Variants in ACOX2 observed in about 807,000 individuals in gnomAD.
The protein encoded by ACOX2 is peroxisomal acyl-coenzyme A oxidase 2.
Under a neutral mutation model 77.5 loss-of-function variants are expected in ACOX2, and 59 were observed. The ratio of observed to expected loss-of-function variants is 0.76; its 90% confidence interval spans 0.62 to 0.95. ACOX2 has a LOEUF of 0.95. Ranked by LOEUF, ACOX2 falls within the 40% of genes least tolerant of loss-of-function variation. The pLI, the probability that ACOX2 is intolerant of heterozygous loss-of-function variation, is 0.00. For missense variants in ACOX2, 837 were observed against 880.4 expected, an observed-to-expected ratio of 0.95 and a Z score of 0.62; for synonymous variants, 317 against 340.1, an observed-to-expected ratio of 0.93 and a Z score of 0.75.
At position 58,531,304 on chromosome 3, in the gene ACOX2, G is replaced by T; in HGVS notation, c.766C>A (p.Gln256Lys). 1 of 1,613,778 alleles carries T rather than the reference G, an allele frequency of 6.2e-7. No homozygotes were observed. The highest frequency in any genetic ancestry group is 8.5e-7 in the Non-Finnish European group (1 of 1,180,026). ...CTGGGGACCCGCACATGGTTCAGCT[G>T]CAGGAAGCCATTGTCTGTTTGATCA... ...DFDQTDNGFL[Q>K]LNHVRVPREN... The change falls in exon 7 of 15, where the codon CAG becomes AAG. Residue 256 changes from glutamine to lysine, a missense_variant. Physicochemically the swap from Gln to Lys is moderately conservative, Grantham distance 53 (BLOSUM62 1). Coordinates refer to ENST00000302819, the MANE Select transcript of ACOX2 (RefSeq NM_003500.4). The surrounding 1 kb of genome is among the most constrained non-coding windows in gnomAD (Gnocchi z 5.8).
At chr3:58,510,326 T>C (rs1290043310) in intron 13 of ACOX2, among the ~76,000 whole-genome samples, 1 of 151,896 alleles carries the variant, frequency 6.6e-6, no homozygotes, top group Non-Finnish European at 1.5e-5. Flanking sequence ...CATGTTCTAT[T>C]ACTCTCTCAA....
intron 12 of ACOX2, among the ~76,000 whole-genome samples, chr3:58,518,075 C>CAAAAAAAA (rs763535906): frequency 2.9e-4 from 14 of 47,676 alleles, no homozygotes; most frequent in East Asian, 6.1e-4. Context: ...AACTCCATCT[C>CAAAAAAAA]AAAAAAAAAA....
At chr3:58,506,858 G>A (rs2063238125) in intron 14 of ACOX2, among the ~76,000 whole-genome samples, 1 of 152,114 alleles carries the variant, frequency 6.6e-6, no homozygotes. Flanking sequence ...GTGCAAATGA[G>A]GAAAATGTCT....
At position 58,526,815 on chromosome 3, in the gene ACOX2, T is replaced by C; in HGVS notation, c.1156-159A>G. 1.3e-6 allele frequency: 1 copy of C among 767,808 alleles called. No homozygotes were observed. The highest frequency in any genetic ancestry group is 2.0e-6 in the Non-Finnish European group (1 of 490,142). 47.6% of individuals were successfully genotyped at this position (767,808 alleles called of 1,614,324 possible). A position where few individuals can be genotyped will look rare whatever the true frequency, so the allele number is the denominator to read the frequency against. ...ACTTTATGAATGAGAAGGCGGGTAC[T>C]CAGCTTATGTGACTCACCCAGAGGC... is the stretch of plus-strand genomic sequence containing the variant. On this transcript the variant is annotated intron_variant, in intron 9 of 14. Transcript: ENST00000302819. This position sits in a 1 kb window ranked among gnomAD's most constrained non-coding sequence, Gnocchi z 4.3.
chr3:58,517,533 C>T, intron 12 of ACOX2, 110 bp from the exon 13 acceptor site: 1 of 1,082,428 alleles, frequency 9.2e-7, no homozygotes, highest in Non-Finnish European at 1.4e-6. Flanking sequence ...ATGTGCTTCC[C>T]AGCAGGCTGA....
In ACOX2 at chr3:58,515,655, G is replaced by A. The variant is rs950172432; in HGVS notation, c.1850+1551C>T. On this transcript the variant is annotated intron_variant, in intron 13 of 14. Transcript: ENST00000302819. The surrounding 1 kb of genome is among the most constrained non-coding windows in gnomAD (Gnocchi z 4.0). ...AGAATTGTTGGAGATTCTAGGAGTC[G>A]CCTCTAACCCCATGCAATAGGTATC... Among the ~76,000 whole-genome samples the A allele has an allele frequency of 5.5e-4, 83 of 152,090 alleles. No homozygotes were observed. Among genetic ancestry groups the A allele is most frequent in the African/African-American group, 1.8e-3 (75 of 41,476 alleles).
Position 58,509,018 on chromosome 3 carries a change from C to T in ACOX2, c.1858G>A (p.Ala620Thr). ...TCAAAAGCATCAGTTAACAGGATGGCATCCTTCCTGGGATAGGAAACAAGA... is the reference window on the plus strand; with the variant it reads ...TCAAAAGCATCAGTTAACAGGATGGTATCCTTCCTGGGATAGGAAACAAGA... ...LDLLRLIRKD[A>T]ILLTDAFDFT... The change falls in exon 14 of 15, where the codon GCC becomes ACC. Residue 620 changes from alanine (A) to threonine (T), a missense_variant. Transcript: ENST00000302819. The T allele has an allele frequency of 1.2e-6, 2 of 1,614,114 alleles. No individual in the cohort carries two copies. The highest frequency in any genetic ancestry group is 2.2e-5 in the South Asian group (2 of 91,084).
rs2063228239 is a variant in ACOX2 at position 58,505,564 on chromosome 3, G to T, written c.1984-278C>A. 6.6e-6 allele frequency among the ~76,000 whole-genome samples: 1 copy of T among 152,134 alleles called. No homozygotes were observed. The highest frequency in any genetic ancestry group is 2.1e-4 in the South Asian group (1 of 4,826). Reference sequence around the variant, plus strand: ...TTTTGGAATTTCATACAAATAAAAGGCTTGACTCTTTGAGGCTCTCTGAAA... The same window carrying T: ...TTTTGGAATTTCATACAAATAAAAGTCTTGACTCTTTGAGGCTCTCTGAAA... On this transcript the variant is annotated intron_variant, in intron 14 of 14. Coordinates refer to ENST00000302819, the MANE Select transcript of ACOX2 (RefSeq NM_003500.4). The surrounding 1 kb of genome is among the most constrained non-coding windows in gnomAD (Gnocchi z 4.4).
chr3:58,535,963 G>C lies in ACOX2; in HGVS notation c.-91-766C>G, dbSNP rs1387877719. Among the ~76,000 whole-genome samples the C allele has an allele frequency of 6.6e-6, 1 of 152,084 alleles. No individual in the cohort carries two copies. Among genetic ancestry groups the C allele is most frequent in the Non-Finnish European group, 1.5e-5 (1 of 68,024 alleles). On this transcript the variant is annotated intron_variant, in intron 1 of 14. Transcript: ENST00000302819. This position sits in a 1 kb window ranked among gnomAD's most constrained non-coding sequence, Gnocchi z 4.8. ...CACTGTTATCTCTTACTTGGCCTCA[G>C]TGTTCCTCTTATTTGTTCTCCCAGC...
chr3:58,534,950 C>T lies in ACOX2; in HGVS notation c.157G>A (p.Val53Ile), dbSNP rs1032916049. Residue 53 changes from valine to isoleucine, a missense_variant, in exon 2 of 15, where the codon GTT becomes ATT. By Grantham distance (29) the Val-to-Ile change is conservative. Transcript: ENST00000302819. The surrounding 1 kb of genome is among the most constrained non-coding windows in gnomAD (Gnocchi z 4.8). ...CCATTCCCCAGCTTCCCCTTACCAA[C>T]TTTCCTGCGGAGTGCAGTGTTCTGG... Reference protein sequence around the residue: ...GAQNTALRRKVESIIHSYPEF... With the variant: ...GAQNTALRRKIESIIHSYPEF... 6 of 1,614,168 alleles carry T rather than the reference C, an allele frequency of 3.7e-6. No individual in the cohort carries two copies. The highest frequency in any genetic ancestry group is 5.1e-6 in the Non-Finnish European group (6 of 1,179,986).
chr3:58,510,832 G>A (rs2063281596), intron 13 of ACOX2: 3 of 368,528 alleles, frequency 8.1e-6, no homozygotes, highest in South Asian at 6.1e-5. Flanking sequence ...CACCACCTTT[G>A]TAACTATACA....
At chr3:58,530,206 A>T (rs2063426861) in intron 8 of ACOX2, among the ~76,000 whole-genome samples, 1 of 152,268 alleles carries the variant, frequency 6.6e-6, no homozygotes, top group Admixed American at 6.5e-5. Context: ...ACACTATCAC[A>T]TAGAGCCCGA....
chr3:58,536,909 C>G (rs1035329688), intron 1 of ACOX2, among the ~76,000 whole-genome samples: 1 of 152,218 alleles, frequency 6.6e-6, no homozygotes, highest in Non-Finnish European at 1.5e-5. Context: ...TTCCATCTCC[C>G]TGCTACTAAC....
chr3:58,510,910 T>A (rs1341611281), intron 13 of ACOX2: 2 of 451,806 alleles, frequency 4.4e-6, no homozygotes, highest in Admixed American at 4.8e-5. Flanking sequence ...AGCTCAGCAA[T>A]CGTATTACAT....
Position 58,526,846 on chromosome 3 carries a change from A to G in ACOX2, c.1156-190T>C, listed in dbSNP as rs921062368. 4.8e-5 allele frequency: 29 copies of G among 600,944 alleles called. No homozygotes were observed. The highest frequency in any genetic ancestry group is 3.4e-4 in the South Asian group (16 of 46,478). 37.2% of individuals were successfully genotyped at this position (600,944 alleles called of 1,614,324 possible). ...TATGTGACTCACCCAGAGGCACACA[A>G]TTAGGCAATGTAGCTGTAGGGGCAT... On this transcript the variant is annotated intron_variant, in intron 9 of 14. Transcript: ENST00000302819. The surrounding 1 kb of genome is among the most constrained non-coding windows in gnomAD (Gnocchi z 4.3).
Position 58,534,490 on chromosome 3 carries a change from A to C in ACOX2, c.193T>G (p.Cys65Gly). ...SIIHSYPEFS[C>G]KDNYFMTQNE... is the part of the protein sequence containing the mutation. ...TGGGTCATGAAATAATTGTCCTTAC[A>C]GCTAAACTCCGGGTAACTGTGGATG... The change falls in exon 3 of 15, where the codon TGT becomes GGT. Residue 65 changes from cysteine to glycine, a missense_variant. Coordinates refer to ENST00000302819, the MANE Select transcript of ACOX2 (RefSeq NM_003500.4). The surrounding 1 kb of genome is among the most constrained non-coding windows in gnomAD (Gnocchi z 4.8). The C allele has an allele frequency of 6.2e-7, 1 of 1,614,190 alleles. No homozygotes were observed. The highest frequency in any genetic ancestry group is 8.5e-7 in the Non-Finnish European group (1 of 1,180,040).
chr3:58,533,627 C>T lies in ACOX2; in HGVS notation c.476-75G>A. ...CCTGTGAAGCTGCTTCTAGGTGGGT[C>T]TGAACTCTTAGGCATCAGCGCAGTA... On this transcript the variant is annotated intron_variant, in intron 4 of 14. Transcript: ENST00000302819. The surrounding 1 kb of genome is among the most constrained non-coding windows in gnomAD (Gnocchi z 5.6). The T allele has an allele frequency of 7.1e-7, 1 of 1,411,876 alleles. No homozygotes were observed. The allele number at this position is 1,411,876 out of a possible 1,614,324, so 87.5% of individuals were successfully genotyped here. A position where few individuals can be genotyped will look rare whatever the true frequency, so the allele number is the denominator to read the frequency against.
chr3:58,519,670 C>A lies in ACOX2; in HGVS notation c.1633-2247G>T, dbSNP rs551522379. Among the ~76,000 whole-genome samples, 3 of 152,160 alleles carry A rather than the reference C, an allele frequency of 2.0e-5. No homozygotes were observed. The highest frequency in any genetic ancestry group is 2.9e-5 in the Non-Finnish European group (2 of 68,034). ...GGGAGTCTTCAGCTGGGCAGTGACC[C>A]GATCCGCTTTCTCACTTGGAAAGAA... On this transcript the variant is annotated intron_variant, in intron 12 of 14. Coordinates refer to ENST00000302819, the MANE Select transcript of ACOX2 (RefSeq NM_003500.4). This position sits in a 1 kb window ranked among gnomAD's most constrained non-coding sequence, Gnocchi z 5.0.
rs780095191 is a variant in ACOX2 at position 58,526,359 on chromosome 3, C to T, written c.1346+107G>A. ...ATTGGACAGCTCCCAAATAGCACTT[C>T]GCAAAGCCTGCTCTTTTTATGGGCC... On this transcript the variant is annotated intron_variant, in intron 10 of 14. Coordinates refer to ENST00000302819, the MANE Select transcript of ACOX2 (RefSeq NM_003500.4). The surrounding 1 kb of genome is among the most constrained non-coding windows in gnomAD (Gnocchi z 4.3). The T allele has an allele frequency of 2.9e-5, 38 of 1,322,178 alleles. No homozygotes were observed. The highest frequency in any genetic ancestry group is 2.8e-4 in the South Asian group (18 of 65,182). The allele number at this position is 1,322,178 out of a possible 1,614,324, so 81.9% of individuals were successfully genotyped here.
Sources: gnomAD v4.1 joint callset for allele counts (sites outside exome capture counted in the v4.1 genomes callset) on GRCh38, gnomAD v4.1.1 for gene constraint, Gnocchi (gnomAD v3.1) non-coding constraint, MANE v1.5 for transcripts, NCBI Gene and HGNC (gene_info 2026-07-23, HGNC 2026-07-21) for gene names.